D2HGDH: variants seen among roughly 807,000 people sequenced by gnomAD.
D2HGDH encodes the protein D-2-hydroxyglutarate dehydrogenase.
In D2HGDH, 31 loss-of-function variants were observed where a neutral mutation model predicts 46.9. The observed-to-expected ratio is 0.66, with a 90% CI of 0.50 to 0.89. The LOEUF is 0.89. Ranked by LOEUF, D2HGDH falls within the 40% of genes least tolerant of loss-of-function variation. The probability of loss-of-function intolerance (pLI) is 0.00; values close to 1 mark genes in which losing one functional copy is unlikely to be tolerated. For missense variants in D2HGDH, 698 were observed against 720.8 expected (o/e 0.97, Z 0.36); for synonymous variants, 364 against 332.6 (o/e 1.09, Z -1.03).
chr2:241,750,578 T>TGGTGAGCTG (rs1358307303), intron 7 of D2HGDH, among the ~76,000 whole-genome samples: 5 of 152,268 alleles, frequency 3.3e-5, no homozygotes, highest in African/African-American at 1.2e-4. Context: ...TGGCTATTTT[T>TGGTGAGCTG]GGTGAGCTGG....
chr2:241,755,031 T>A, intron 8 of D2HGDH: 1 of 1,295,490 alleles, frequency 7.7e-7, no homozygotes, highest in South Asian at 1.2e-5. Context: ...TCTGTCCTGT[T>A]CCTCATGGTG....
In D2HGDH at chr2:241,741,219, G is replaced by C. The variant is rs1212995407; in HGVS notation, c.350+129G>C. On this transcript the variant is annotated intron_variant, in intron 3 of 9. Coordinates refer to ENST00000321264, the MANE Select transcript of D2HGDH (RefSeq NM_152783.5). ...ATGACATCTTGGTTTGTGTGTCTCAGTGTTTGTTCTGTGGTTTTTCGGTGC... is the reference window on the plus strand; with the variant it reads ...ATGACATCTTGGTTTGTGTGTCTCACTGTTTGTTCTGTGGTTTTTCGGTGC... 11 of 850,960 alleles carry C rather than the reference G, an allele frequency of 1.3e-5. No individual in the cohort carries two copies. The African/African-American group carries it at 1.8e-4, about 14-fold the overall frequency. 52.7% of individuals were successfully genotyped at this position (850,960 alleles called of 1,614,324 possible).
chr2:241,752,299 C>T (rs150746484), intron 8 of D2HGDH, among the ~76,000 whole-genome samples: 1 of 152,264 alleles, frequency 6.6e-6, no homozygotes, highest in Non-Finnish European at 1.5e-5. Context: ...TGTCCTGATG[C>T]CCAGCCCAGG....
intron 7 of D2HGDH, 115 bp from the exon 8 acceptor site, chr2:241,751,131 T>C: frequency 6.8e-7 from 1 of 1,460,854 alleles, no homozygotes; most frequent in Non-Finnish European, 9.5e-7. Flanking sequence ...GCCTGGGTCC[T>C]TCTTGGCCAC....
rs1227311233 is a variant in D2HGDH, at chr2:241,735,390, C to A, written c.166C>A (p.Arg56Ser). 1 of 1,593,194 alleles carries A rather than the reference C, an allele frequency of 6.3e-7. No homozygotes were observed. The highest frequency in any genetic ancestry group is 8.5e-7 in the Non-Finnish European group (1 of 1,173,414). ...PLTRERYPVR[R>S]LPFSTVSKQD... ...GACCCGGGAGCGCTACCCCGTGCGGCGCTTGCCGTTCTCCACGGTGTCTAA... is the reference window on the plus strand; with the variant it reads ...GACCCGGGAGCGCTACCCCGTGCGGAGCTTGCCGTTCTCCACGGTGTCTAA... The change falls in exon 2 of 10, where the codon CGC becomes AGC. Residue 56 changes from arginine (R) to serine (S), a missense_variant. Physicochemically the swap from Arg to Ser is moderately radical, Grantham distance 110. Coordinates refer to ENST00000321264, the MANE Select transcript of D2HGDH (RefSeq NM_152783.5).
At chr2:241,745,866 C>T (rs920213210) in intron 6 of D2HGDH, among the ~76,000 whole-genome samples, 23 of 152,092 alleles carry the variant, frequency 1.5e-4, no homozygotes, top group African/African-American at 5.1e-4. Flanking sequence ...TCTTTTATCC[C>T]GGTGGAAACG....
intron 9 of D2HGDH, among the ~76,000 whole-genome samples, chr2:241,764,575 T>A (rs1023198793): frequency 2.2e-4 from 34 of 152,338 alleles, no homozygotes; most frequent in African/African-American, 6.3e-4. Context: ...TCGACCTTTG[T>A]CGGTTCTGGT....
At position 241,744,429 on chromosome 2, in the gene D2HGDH, C is replaced by G. The variant is rs554265132; in HGVS notation, c.685-280C>G. Among the ~76,000 whole-genome samples, 3 of 152,252 alleles carry G rather than the reference C, an allele frequency of 2.0e-5. No individual in the cohort carries two copies. In the South Asian group the frequency reaches 6.2e-4, roughly 32 times the overall value. On this transcript the variant is annotated intron_variant, in intron 5 of 9. Transcript: ENST00000321264. ...CTCGGAGAGGCCCACAGCTCGGGAGCTTTGATGCCTTATGGCTGGTGGGTC... is the reference window on the plus strand; with the variant it reads ...CTCGGAGAGGCCCACAGCTCGGGAGGTTTGATGCCTTATGGCTGGTGGGTC...
chr2:241,744,959 AG>A (rs1321643638), intron 6 of D2HGDH, 82 bp downstream of exon 6: 18 of 1,552,144 alleles, frequency 1.2e-5, no homozygotes, highest in Non-Finnish European at 1.6e-5. Flanking sequence ...GGTGTGAGGA[AG>A]GGGATGGAGG....
rs1008810004 is a variant in D2HGDH at position 241,734,832 on chromosome 2, G to A, written c.-93+137G>A. 2.4e-4 allele frequency: 45 copies of A among 191,382 alleles called. 1 individual carries two copies. The East Asian group carries it at 5.5e-3, about 23-fold the overall frequency. 11.9% of individuals were successfully genotyped at this position (191,382 alleles called of 1,614,324 possible). On this transcript the variant is annotated intron_variant, in intron 1 of 9. Transcript: ENST00000321264. Reference sequence around the variant, plus strand: ...GTGGGGGGAGGGGGACGGCGCTGCAGCTCGTCACGTGACCGCGTGGAACAC... The same window carrying A: ...GTGGGGGGAGGGGGACGGCGCTGCAACTCGTCACGTGACCGCGTGGAACAC...
At chr2:241,738,929 A>G (rs899820549) in intron 2 of D2HGDH, among the ~76,000 whole-genome samples, 2 of 152,214 alleles carry the variant, frequency 1.3e-5, no homozygotes, top group African/African-American at 4.8e-5. Context: ...TTTTGGAGAG[A>G]GAGCTTGTCT....
rs776277557 is a variant in D2HGDH, at chr2:241,743,608, G to C, written c.491-14G>C. 6.2e-7 allele frequency: 1 copy of C among 1,611,036 alleles called. No individual in the cohort carries two copies. The highest frequency in any genetic ancestry group is 1.3e-5 in the African/African-American group (1 of 74,878). ...GGAAGCCAAGTGCTGCGGCAGCCTG[G>C]TCACTCTCTGCAGGAATTCTGGTTT... On this transcript the variant is annotated splice_polypyrimidine_tract_variant and intron_variant, in intron 4 of 9. Coordinates refer to ENST00000321264, the MANE Select transcript of D2HGDH (RefSeq NM_152783.5). This position sits in a 1 kb window ranked among gnomAD's most constrained non-coding sequence, Gnocchi z 4.8.
chr2:241,748,881 CG>C, intron 6 of D2HGDH: 1 of 1,298,468 alleles, frequency 7.7e-7, no homozygotes, highest in Middle Eastern at 2.1e-4. Context: ...GTGTGCCGCC[CG>C]CCTGTGGTCC....
Position 241,735,239 on chromosome 2 carries a change from G to A in D2HGDH, c.15G>A (p.Arg5=), listed in dbSNP as rs1391148860. 6.6e-7 allele frequency: 1 copy of A among 1,515,092 alleles called. No homozygotes were observed. Among genetic ancestry groups the A allele is most frequent in the South Asian group, 1.2e-5 (1 of 81,806 alleles). The allele number at this position is 1,515,092 out of a possible 1,614,324, so 93.9% of individuals were successfully genotyped here. Residue 5 remains arginine (R), a synonymous_variant, in exon 2 of 10, where the codon CGG becomes CGA. Transcript: ENST00000321264. MLPR[R]PLAWPAWLLR... ...TCCCGGCGGCGATGCTGCCCCGTCGGCCTCTGGCGTGGCCCGCGTGGCTGT... is the reference window on the plus strand; with the variant it reads ...TCCCGGCGGCGATGCTGCCCCGTCGACCTCTGGCGTGGCCCGCGTGGCTGT...
chr2:241,758,767 ATATGTG>A (rs1422114835), intron 9 of D2HGDH, among the ~76,000 whole-genome samples: 27 of 106,136 alleles, frequency 2.5e-4, no homozygotes, highest in South Asian at 8.3e-4. Flanking sequence ...GCCCCACAAT[ATATGTG>A]TGTGTGTGTG....
At chr2:241,756,441 G>A (rs979907274) in intron 9 of D2HGDH, among the ~76,000 whole-genome samples, 6 of 152,208 alleles carry the variant, frequency 3.9e-5, no homozygotes, top group Admixed American at 1.3e-4. Context: ...TCAAAACCAC[G>A]TTCAGATCAT....
At chr2:241,744,664 T>C (rs1695394593) in intron 5 of D2HGDH, 45 bp from the exon 6 acceptor site, 1 of 1,613,904 alleles carries the variant, frequency 6.2e-7, no homozygotes, top group Non-Finnish European at 8.5e-7. Context: ...CGACGTCTTG[T>C]CAGGAGGCTG....
chr2:241,747,158 C>T (rs761887536), intron 6 of D2HGDH, among the ~76,000 whole-genome samples: 5 of 152,054 alleles, frequency 3.3e-5, no homozygotes, highest in Admixed American at 6.6e-5. Context: ...CTGGGCTAAA[C>T]GATCCTCCCA....
chr2:241,742,513 T>G lies in D2HGDH; in HGVS notation c.429T>G (p.Phe143Leu), dbSNP rs1263918528. Reference sequence around the variant, plus strand: ...TGGTGGGTGGCAGCGTCCCCGTCTTTGACGAGATCATCCTCTCCACTGCCC... The same window carrying G: ...TGGTGGGTGGCAGCGTCCCCGTCTTGGACGAGATCATCCTCTCCACTGCCC... ...TGMVGGSVPV[F>L]DEIILSTARM... Residue 143 changes from phenylalanine (F) to leucine (L), a missense_variant, in exon 4 of 10, where the codon TTT becomes TTG. Transcript: ENST00000321264. The surrounding 1 kb of genome is among the most constrained non-coding windows in gnomAD (Gnocchi z 4.8). The G allele has an allele frequency of 6.2e-7, 1 of 1,613,900 alleles. No individual in the cohort carries two copies. Among genetic ancestry groups the G allele is most frequent in the Middle Eastern group, 1.6e-4 (1 of 6,084 alleles).
Sources: gnomAD v4.1 joint callset for allele counts (sites outside exome capture counted in the v4.1 genomes callset) on GRCh38, gnomAD v4.1.1 for gene constraint, Gnocchi (gnomAD v3.1) non-coding constraint, MANE v1.5 for transcripts, NCBI Gene and HGNC (gene_info 2026-07-23, HGNC 2026-07-21) for gene names.